The following PC variants were observed in gnomAD, a reference collection of about 807,000 sequenced individuals.
PC encodes pyruvate carboxylase.
A neutral mutation model predicts 107.8 loss-of-function variants in PC; 46 were observed. The observed-to-expected ratio is 0.43, with a 90% CI of 0.34 to 0.55. The LOEUF (loss-of-function observed/expected upper bound fraction) is 0.55, where lower values mean the gene tolerates loss of function less well. Among genes scored for constraint, PC ranks in the 20% least tolerant of loss-of-function variants. The pLI is 0.04. For missense variants in PC, 1,241 were observed against 1,643.1 expected (o/e 0.76, Z 4.23); for synonymous variants, 662 against 684.7 (o/e 0.97, Z 0.52).
At chr11:66,946,232 C>T (rs1350476018) in intron 3 of PC, among the ~76,000 whole-genome samples, 1 of 151,996 alleles carries the variant, frequency 6.6e-6, no homozygotes, top group African/African-American at 2.4e-5. Context: ...CGTGGTGACT[C>T]ACATCTGTAA....
At position 66,850,449 on chromosome 11, in the gene PC, C is replaced by T. The variant is rs773519800; in HGVS notation, c.2489G>A (p.Arg830His). ...CCAGTACTCACTGTAGTCAAACACG[C>T]GCTCCATGGGCACCTCTGCAGGGAG... ...TPLDTEVPMERVFDYSEYWEG... is the reference protein window; with the variant it reads ...TPLDTEVPMEHVFDYSEYWEG... The change falls in exon 19 of 23, where the codon CGC becomes CAC. Residue 830 changes from arginine (R) to histidine (H), a missense_variant. Physicochemically the swap from Arg to His is conservative, Grantham distance 29. Around this residue, in one of 2 missense-constraint regions of PC, gnomAD observed 1,143 missense variants for 1,551.9 expected, o/e 0.74. Transcript: ENST00000393960. The T allele has an allele frequency of 3.0e-5, 49 of 1,613,812 alleles. No homozygotes were observed. In the Admixed American group the frequency reaches 3.7e-4, roughly 12 times the overall value.
chr11:66,853,115 G>T, intron 13 of PC, 124 bp downstream of exon 13: 1 of 1,093,736 alleles, frequency 9.1e-7, no homozygotes. Context: ...CAGAATGAGG[G>T]CAGGGGTGAG....
intron 12 of PC, among the ~76,000 whole-genome samples, chr11:66,863,112 C>G (rs372065249): frequency 7.4e-4 from 112 of 152,144 alleles, no homozygotes; most frequent in Non-Finnish European, 1.5e-3. Flanking sequence ...GAGGTCAAGG[C>G]GGGTGGAACA....
intron 3 of PC, among the ~76,000 whole-genome samples, chr11:66,883,074 C>T (rs1947241129): frequency 6.6e-6 from 1 of 152,220 alleles, no homozygotes; most frequent in Non-Finnish European, 1.5e-5. Flanking sequence ...GCGCCGGCTG[C>T]TCCAAGTGGC....
intron 3 of PC, among the ~76,000 whole-genome samples, chr11:66,937,768 T>TG (rs1358240446): frequency 5.1e-4 from 77 of 150,786 alleles, no homozygotes; most frequent in African/African-American, 1.7e-3. Context: ...CCAGAATTTC[T>TG]GGGTTTTTTT....
intron 3 of PC, among the ~76,000 whole-genome samples, chr11:66,932,159 G>C (rs1467466015): frequency 2.0e-5 from 3 of 152,118 alleles, no homozygotes; most frequent in African/African-American, 7.2e-5. Flanking sequence ...TGGGGAGAGA[G>C]GAAAAAGGAG....
At chr11:66,862,429 C>T (rs1946307654) in intron 12 of PC, among the ~76,000 whole-genome samples, 1 of 152,220 alleles carries the variant, frequency 6.6e-6, no homozygotes. Flanking sequence ...GACAGCACGG[C>T]CCACATGCCC....
At chr11:66,895,795 G>C (rs978003650) in intron 3 of PC, among the ~76,000 whole-genome samples, 1 of 152,016 alleles carries the variant, frequency 6.6e-6, no homozygotes, top group Non-Finnish European at 1.5e-5. Context: ...AAAAAACAGA[G>C]GGCAAGAAAA....
intron 3 of PC, among the ~76,000 whole-genome samples, chr11:66,883,286 G>T (rs780073224): frequency 6.6e-6 from 1 of 152,190 alleles, no homozygotes; most frequent in Non-Finnish European, 1.5e-5. Context: ...TGAGGTGGCT[G>T]CTCCATCCCA....
chr11:66,907,047 G>C (rs1443600622), intron 3 of PC, among the ~76,000 whole-genome samples: 1 of 152,208 alleles, frequency 6.6e-6, no homozygotes, highest in Non-Finnish European at 1.5e-5. Flanking sequence ...TGGGGAGCTG[G>C]AGCACAGCAC....
At chr11:66,882,282 C>G (rs1381916280) in intron 3 of PC, among the ~76,000 whole-genome samples, 1 of 152,204 alleles carries the variant, frequency 6.6e-6, no homozygotes, top group Non-Finnish European at 1.5e-5. Flanking sequence ...TTCTGGGGAC[C>G]AGGGCAGGGC....
chr11:66,859,665 C>G (rs1270781966), intron 12 of PC: 1 of 1,613,112 alleles, frequency 6.2e-7, no homozygotes, highest in South Asian at 1.1e-5. Flanking sequence ...CCACCACTTC[C>G]TGCTGAAGCA....
chr11:66,930,563 G>A (rs761717720), intron 3 of PC, among the ~76,000 whole-genome samples: 7 of 152,006 alleles, frequency 4.6e-5, no homozygotes. Context: ...CCAACATGGC[G>A]AAACCCTGTC....
At chr11:66,887,491 G>A (rs1036261876) in intron 3 of PC, among the ~76,000 whole-genome samples, 20 of 152,138 alleles carry the variant, frequency 1.3e-4, no homozygotes, top group African/African-American at 4.8e-4. Context: ...AGAGCTCTAG[G>A]AAATTAAAAA....
intron 3 of PC, among the ~76,000 whole-genome samples, chr11:66,893,824 T>C (rs1017867150): frequency 1.9e-5 from 2 of 107,942 alleles, no homozygotes; most frequent in Admixed American, 1.4e-4. Flanking sequence ...ACTGCACACA[T>C]ACACCAAACC....
intron 3 of PC, among the ~76,000 whole-genome samples, chr11:66,923,375 C>T (rs562339065): frequency 9.6e-5 from 11 of 114,396 alleles, no homozygotes; most frequent in African/African-American, 1.6e-4. Context: ...AGCGAGACTC[C>T]GTCTCAAAAA....
At position 66,873,487 on chromosome 11, in the gene PC, T is replaced by TTA. The variant is rs1429824268; in HGVS notation, c.1-1330_1-1329dup. On this transcript the variant is annotated intron_variant, in intron 3 of 22. Coordinates refer to ENST00000393960, the MANE Select transcript of PC (RefSeq NM_001040716.2). ...ATTATATATAATATAATATATAATA[T>TTA]TATATATATTATATAATATTATATA... is the stretch of plus-strand genomic sequence containing the variant. Among the ~76,000 whole-genome samples the TTA allele has an allele frequency of 1.1e-4, 7 of 61,972 alleles. No homozygotes were observed. The South Asian group carries it at 2.7e-3, about 24-fold the overall frequency. The allele number at this position is 61,972 out of a possible 152,430, so 40.7% of individuals were successfully genotyped here.
intron 3 of PC, among the ~76,000 whole-genome samples, chr11:66,875,805 T>C (rs1338580349): frequency 9.2e-5 from 14 of 152,206 alleles, no homozygotes; most frequent in Middle Eastern, 6.8e-3. Context: ...TTCTAAAATA[T>C]ACCTTGTCCT....
At chr11:66,880,979 A>G (rs1458224402) in intron 3 of PC, among the ~76,000 whole-genome samples, 1 of 152,242 alleles carries the variant, frequency 6.6e-6, no homozygotes, top group African/African-American at 2.4e-5. Context: ...GGAGGCTGCT[A>G]GAGCCCCAGG....
Sources: allele counts gnomAD v4.1 joint callset (sites outside exome capture counted in the v4.1 genomes callset), GRCh38; gene constraint gnomAD v4.1.1; regional missense constraint gnomAD v4.1.1; transcripts MANE v1.5; gene names NCBI Gene and HGNC (gene_info 2026-07-23, HGNC 2026-07-21).